IL1RAPL2: variants seen among roughly 807,000 people sequenced by gnomAD.
IL1RAPL2 encodes X-linked interleukin-1 receptor accessory protein-like 2.
In IL1RAPL2, 3 loss-of-function variants were observed where a neutral mutation model predicts 44.1. That is an observed-to-expected ratio of 0.07 (90% CI 0.03 to 0.18). The LOEUF is 0.18. IL1RAPL2 is among the 10% of genes least tolerant of loss of function. The pLI, the probability that IL1RAPL2 is intolerant of heterozygous loss-of-function variation, is 1.00. For missense variants in IL1RAPL2, 391 were observed against 496.4 expected (o/e 0.79, Z 2.02); for synonymous variants, 181 against 178.8 (o/e 1.01, Z -0.10).
chrX:105,010,487 T>C (rs1002583877), intron 2 of IL1RAPL2, among the ~76,000 whole-genome samples: 1 of 111,842 alleles, frequency 8.9e-6, no homozygotes, highest in Non-Finnish European at 1.9e-5. Context: ...TATTAGAAGG[T>C]TTAATAGAAG....
At chrX:105,254,042 T>C (rs925051545) in intron 4 of IL1RAPL2, among the ~76,000 whole-genome samples, 4 of 111,840 alleles carry the variant, frequency 3.6e-5, no homozygotes, top group Non-Finnish European at 7.5e-5. Flanking sequence ...GTAGAATTAA[T>C]GATTTATATT....
intron 6 of IL1RAPL2, among the ~76,000 whole-genome samples, chrX:105,560,784 G>A (rs1483915082): frequency 3.6e-5 from 4 of 109,831 alleles, no homozygotes; most frequent in Non-Finnish European, 3.8e-5. Context: ...ATGGAGTACG[G>A]TGACATATTG....
intron 5 of IL1RAPL2, among the ~76,000 whole-genome samples, chrX:105,313,457 C>T (rs1292460127): frequency 2.7e-5 from 3 of 111,544 alleles, no homozygotes; most frequent in Non-Finnish European, 5.7e-5. Context: ...CATTTCTTCT[C>T]CTAGTAGAAA....
chrX:105,556,242 G>A (rs1386723662), intron 6 of IL1RAPL2, among the ~76,000 whole-genome samples: 1 of 111,506 alleles, frequency 9.0e-6, no homozygotes, highest in Non-Finnish European at 1.9e-5. Context: ...TATTTTGTAA[G>A]GCTTTTGATG....
chrX:105,219,627 T>TCCAGCAGCA (rs782169422), intron 3 of IL1RAPL2: 13 of 1,210,113 alleles, frequency 1.1e-5, no homozygotes, highest in East Asian at 3.0e-5. Context: ...CTCCTTTTCC[T>TCCAGCAGCA]CCAGCAGCAC....
intron 6 of IL1RAPL2, among the ~76,000 whole-genome samples, chrX:105,584,275 T>TAAA (rs2037111002): frequency 8.9e-6 from 1 of 111,853 alleles, no homozygotes; most frequent in Non-Finnish European, 1.9e-5. Context: ...TTCTGTTTTG[T>TAAA]AGCTCTATTA....
chrX:104,905,442 A>G (rs1193729204), intron 2 of IL1RAPL2, among the ~76,000 whole-genome samples: 2 of 111,863 alleles, frequency 1.8e-5, no homozygotes, highest in Non-Finnish European at 3.8e-5. Context: ...TTTAGGTCTA[A>G]CATTTAAGTC....
chrX:105,108,982 G>A (rs181640875), intron 2 of IL1RAPL2, among the ~76,000 whole-genome samples: 75 of 111,259 alleles, frequency 6.7e-4, no homozygotes, highest in African/African-American at 2.4e-3. Context: ...TTGCTCTCCC[G>A]CTTCACTCTA....
chrX:104,608,155 C>T (rs1443278694), intron 1 of IL1RAPL2, among the ~76,000 whole-genome samples: 1 of 110,419 alleles, frequency 9.1e-6, no homozygotes, highest in Non-Finnish European at 1.9e-5. Context: ...CACATGTTTT[C>T]ACTCGTAAGT....
At chrX:105,529,314 TAAATA>T (rs1368789665) in intron 6 of IL1RAPL2, among the ~76,000 whole-genome samples, 3 of 111,308 alleles carry the variant, frequency 2.7e-5, no homozygotes, top group Admixed American at 9.6e-5. Context: ...TTATCCTTTA[TAAATA>T]AAATTAATAA....
chrX:104,646,528 T>C (rs1170432921), intron 1 of IL1RAPL2, among the ~76,000 whole-genome samples: 1 of 111,746 alleles, frequency 8.9e-6, no homozygotes, highest in African/African-American at 3.3e-5. Flanking sequence ...AATTTAAACA[T>C]TTCAATGGTA....
At chrX:105,303,205 G>T (rs569073711) in intron 5 of IL1RAPL2, among the ~76,000 whole-genome samples, 1 of 111,406 alleles carries the variant, frequency 9.0e-6, no homozygotes, top group African/African-American at 3.3e-5. Flanking sequence ...CTGTAATTGC[G>T]CCCGCAAATT....
Position 104,869,587 on chromosome X carries a change from A to G in IL1RAPL2, c.82+210592A>G, listed in dbSNP as rs755707886. ...TTTTCATTATTATACTTTAAGTTTT[A>G]GGGCACATGTGCACAACGTGCAGGT... On this transcript the variant is annotated intron_variant, in intron 2 of 10. Transcript: ENST00000372582. Among the ~76,000 whole-genome samples, 3 of 111,458 alleles carry G rather than the reference A, an allele frequency of 2.7e-5. No individual in the cohort carries two copies. In the South Asian group the frequency reaches 1.1e-3, roughly 42 times the overall value.
chrX:104,761,093 G>A (rs1578843), intron 2 of IL1RAPL2, among the ~76,000 whole-genome samples: 59,727 of 109,698 alleles, frequency 0.54, 12,970 homozygotes, highest in African/African-American at 0.81. Context: ...TGCTGTAGGT[G>A]TGTGGATTTG....
At chrX:104,727,008 A>G (rs2147568447) in intron 2 of IL1RAPL2, among the ~76,000 whole-genome samples, 1 of 111,003 alleles carries the variant, frequency 9.0e-6, no homozygotes, top group African/African-American at 3.3e-5. Context: ...TCCTAGAATA[A>G]AACCTAGGAA....
chrX:105,107,081 T>C (rs1258000450), intron 2 of IL1RAPL2, among the ~76,000 whole-genome samples: 4 of 112,492 alleles, frequency 3.6e-5, no homozygotes, highest in South Asian at 3.7e-4. Flanking sequence ...CTTTATCACA[T>C]TGCTATTCAG....
At chrX:105,343,185 C>G (rs1406993) in intron 5 of IL1RAPL2, among the ~76,000 whole-genome samples, 14,577 of 111,430 alleles carry the variant, frequency 0.13, 2,314 homozygotes, top group African/African-American at 0.45. Flanking sequence ...AATTCTGACT[C>G]TCCATCAAGC....
At chrX:105,193,716 A>C (rs1394585798) in intron 2 of IL1RAPL2, among the ~76,000 whole-genome samples, 1 of 112,064 alleles carries the variant, frequency 8.9e-6, no homozygotes, top group Non-Finnish European at 1.9e-5. Flanking sequence ...ATCAGTACAT[A>C]TTTAGTCTAA....
At chrX:105,301,933 C>T (rs73519308) in intron 5 of IL1RAPL2, among the ~76,000 whole-genome samples, 7,608 of 111,758 alleles carry the variant, frequency 0.068, 662 homozygotes, top group African/African-American at 0.23. Flanking sequence ...TTCAAGGAAC[C>T]TCTAAACTGT....
Sources: gnomAD v4.1 joint callset for allele counts (sites outside exome capture counted in the v4.1 genomes callset) on GRCh38, gnomAD v4.1.1 for gene constraint, MANE v1.5 for transcripts, NCBI Gene and HGNC (gene_info 2026-07-23, HGNC 2026-07-21) for gene names.